The following TIMP2 variants were observed in gnomAD, a reference collection of about 807,000 sequenced individuals.
TIMP2 encodes the protein metalloproteinase inhibitor 2.
A neutral mutation model predicts 24.3 loss-of-function variants in TIMP2; 5 were observed. The observed-to-expected ratio is 0.21, with a 90% CI of 0.11 to 0.43. The LOEUF (loss-of-function observed/expected upper bound fraction) is 0.43, where lower values mean the gene tolerates loss of function less well. Ranked by LOEUF, TIMP2 falls within the 20% of genes least tolerant of loss-of-function variation. TIMP2 has a pLI of 1.00. For missense variants in TIMP2, 221 were observed against 297.5 expected (o/e 0.74, Z 1.89); for synonymous variants, 130 against 123.2 (o/e 1.06, Z -0.37).
chr17:78,857,864 G>GTT (rs982209620), intron 3 of TIMP2, among the ~76,000 whole-genome samples: 2 of 151,548 alleles, frequency 1.3e-5, no homozygotes, highest in African/African-American at 4.9e-5. Flanking sequence ...GAGGCCAGGA[G>GTT]TTCAAGACCA....
At chr17:78,880,170 C>A (rs1010301831) in intron 1 of TIMP2, among the ~76,000 whole-genome samples, 6 of 152,206 alleles carry the variant, frequency 3.9e-5, no homozygotes, top group African/African-American at 1.4e-4. Flanking sequence ...CAGCCCCAGG[C>A]AGAGACGCCA....
intron 1 of TIMP2, among the ~76,000 whole-genome samples, chr17:78,884,391 T>C (rs1415903873): frequency 6.6e-6 from 1 of 152,208 alleles, no homozygotes; most frequent in African/African-American, 2.4e-5. Flanking sequence ...GCACTGACTG[T>C]CTTTGAGCCC....
chr17:78,887,116 G>A (rs1381741210), intron 1 of TIMP2, among the ~76,000 whole-genome samples: 1 of 152,224 alleles, frequency 6.6e-6, no homozygotes, highest in East Asian at 1.9e-4. Context: ...AAACAAAAGA[G>A]TCTTGTGGGA....
intron 3 of TIMP2, among the ~76,000 whole-genome samples, chr17:78,858,552 G>T (rs2069543719): frequency 6.6e-6 from 1 of 151,912 alleles, no homozygotes; most frequent in African/African-American, 2.4e-5. Context: ...AGACAGTCTT[G>T]CTCTGTCGCT....
At chr17:78,895,078 C>G (rs148593145) in intron 1 of TIMP2, among the ~76,000 whole-genome samples, 1 of 151,984 alleles carries the variant, frequency 6.6e-6, no homozygotes, top group Admixed American at 6.6e-5. Flanking sequence ...GTCAGGAGTT[C>G]GAAAGCAGCC....
intron 1 of TIMP2, among the ~76,000 whole-genome samples, chr17:78,875,014 T>C (rs2069717487): frequency 6.6e-6 from 1 of 152,224 alleles, no homozygotes; most frequent in South Asian, 2.1e-4. Flanking sequence ...GTGCTGGGAT[T>C]ATAGGCATGA....
At position 78,871,616 on chromosome 17, in the gene TIMP2, G is replaced by A. The variant is rs1169048661; in HGVS notation, c.232-610C>T. On this transcript the variant is annotated intron_variant, in intron 2 of 4. Transcript: ENST00000262768. The stretch of plus-strand genomic sequence containing the variant: ...AATCCCAGCACTTTGGGAGGCCGAG[G>A]CAGGCAGATCACGAGGTCAGAAGAT... 2.6e-5 allele frequency among the ~76,000 whole-genome samples: 4 copies of A among 152,014 alleles called. No homozygotes were observed. In the East Asian group the frequency reaches 5.8e-4, roughly 22 times the overall value.
intron 1 of TIMP2, chr17:78,890,711 T>C: frequency 6.4e-7 from 1 of 1,550,650 alleles, no homozygotes; most frequent in Non-Finnish European, 8.7e-7. Context: ...CCTGTTTTGC[T>C]GTAAGATCTG....
intron 1 of TIMP2, among the ~76,000 whole-genome samples, chr17:78,888,357 A>G (rs1281039629): frequency 6.6e-6 from 1 of 151,990 alleles, no homozygotes; most frequent in Non-Finnish European, 1.5e-5. Flanking sequence ...ACAGCGTTTC[A>G]CAGTGTTGAC....
intron 3 of TIMP2, 79 bp from the exon 4 acceptor site, chr17:78,857,725 G>A: frequency 6.3e-7 from 1 of 1,580,930 alleles, no homozygotes; most frequent in Non-Finnish European, 8.6e-7. Context: ...CCGGCGCAGG[G>A]GCGCTGGGAT....
rs34119062 is a variant in TIMP2 at position 78,913,895 on chromosome 17, G to GAA, written c.130+11062_130+11063dup. Among the ~76,000 whole-genome samples, 940 of 102,100 alleles carry GAA rather than the reference G, an allele frequency of 9.2e-3. 10 individuals carry two copies. The highest frequency in any genetic ancestry group is 0.016 in the South Asian group (48 of 2,922). 67.0% of individuals were successfully genotyped at this position (102,100 alleles called of 152,430 possible). A position where few individuals can be genotyped will look rare whatever the true frequency, so the allele number is the denominator to read the frequency against. ...CCACGGAGCGAAACTCTGTCTCGGGGAAAAAAAAAAAAAAAAAAAAATTCT... is the reference window on the plus strand; with the variant it reads ...CCACGGAGCGAAACTCTGTCTCGGGGAAAAAAAAAAAAAAAAAAAAAAATTCT... On this transcript the variant is annotated intron_variant, in intron 1 of 4. Transcript: ENST00000262768.
intron 1 of TIMP2, among the ~76,000 whole-genome samples, chr17:78,915,527 T>C (rs63580660): frequency 3.7e-5 from 1 of 27,070 alleles, no homozygotes; most frequent in South Asian, 8.5e-4. Context: ...TTTTTTCTTC[T>C]TTTTTTTTTT....
intron 3 of TIMP2, among the ~76,000 whole-genome samples, chr17:78,860,718 G>A (rs1315658595): frequency 1.3e-5 from 2 of 152,284 alleles, no homozygotes; most frequent in East Asian, 1.9e-4. Context: ...AACTTCATAA[G>A]GTAAATGTTT....
intron 2 of TIMP2, among the ~76,000 whole-genome samples, 154 bp downstream of exon 2, chr17:78,873,665 G>A (rs2069704597): frequency 6.6e-6 from 1 of 152,156 alleles, no homozygotes; most frequent in Non-Finnish European, 1.5e-5. Flanking sequence ...CGAGGATTAA[G>A]GGAAATCGGA....
At chr17:78,922,802 A>G (rs1233272052) in intron 1 of TIMP2, among the ~76,000 whole-genome samples, 1 of 152,030 alleles carries the variant, frequency 6.6e-6, no homozygotes, top group Non-Finnish European at 1.5e-5. Context: ...CTGCTCTCCA[A>G]AAAAAAAGAA....
intron 1 of TIMP2, among the ~76,000 whole-genome samples, chr17:78,907,093 G>C (rs2070166081): frequency 6.6e-6 from 1 of 151,760 alleles, no homozygotes; most frequent in South Asian, 2.1e-4. Flanking sequence ...GAATGCAATG[G>C]TGTGATCTCG....
intron 1 of TIMP2, chr17:78,892,310 A>C: frequency 6.4e-7 from 1 of 1,550,680 alleles, no homozygotes; most frequent in Non-Finnish European, 8.7e-7. Context: ...ACAGAGGCTC[A>C]GCCACATGGC....
At chr17:78,906,797 G>A (rs996231623) in intron 1 of TIMP2, among the ~76,000 whole-genome samples, 1 of 152,048 alleles carries the variant, frequency 6.6e-6, no homozygotes, top group Non-Finnish European at 1.5e-5. Flanking sequence ...TGGCCAGGCT[G>A]GTCTTGAACT....
chr17:78,910,127 G>A (rs2070194739), intron 1 of TIMP2, among the ~76,000 whole-genome samples: 2 of 151,990 alleles, frequency 1.3e-5, no homozygotes, highest in Non-Finnish European at 2.9e-5. Flanking sequence ...CTTTCTTTGT[G>A]GTAGGAACAT....
Sources: gnomAD v4.1 joint callset for allele counts (sites outside exome capture counted in the v4.1 genomes callset) on GRCh38, gnomAD v4.1.1 for gene constraint, MANE v1.5 for transcripts, NCBI Gene and HGNC (gene_info 2026-07-23, HGNC 2026-07-21) for gene names.